OSBP2: variants seen among roughly 807,000 people sequenced by gnomAD.
OSBP2 encodes the protein oxysterol binding protein 2, also known as oxysterol-binding protein 2.
OSBP2 carries 66 observed loss-of-function variants against 96.0 expected under a neutral mutation model. The observed-to-expected ratio is 0.69, with a 90% CI of 0.56 to 0.84. The LOEUF is 0.84. Ranked by LOEUF, OSBP2 falls within the 40% of genes least tolerant of loss-of-function variation. The probability of loss-of-function intolerance (pLI) is 0.00; values close to 1 mark genes in which losing one functional copy is unlikely to be tolerated. For missense variants in OSBP2, 1,038 were observed against 1,222.7 expected (o/e 0.85, Z 2.25); for synonymous variants, 525 against 520.9 (o/e 1.01, Z -0.11).
At position 30,890,877 on chromosome 22, in the gene OSBP2, A is replaced by C. The variant is rs1340220438; in HGVS notation, c.1773A>C (p.Thr591=). 1.2e-6 allele frequency: 2 copies of C among 1,613,758 alleles called. No homozygotes were observed. Among genetic ancestry groups the C allele is most frequent in the Non-Finnish European group, 1.7e-6 (2 of 1,180,026 alleles). ...TCTCTGTGTCCTCCTACTCCACCAC[A>C]GTGCACCGCATCGCCAAGCCCTTCA... ...AAFSVSSYST[T]VHRIAKPFNP... is the part of the protein sequence containing the mutation. Residue 591 remains threonine (T), a synonymous_variant, in exon 8 of 14, where the codon ACA becomes ACC. Transcript: ENST00000332585. This position sits in a 1 kb window ranked among gnomAD's most constrained non-coding sequence, Gnocchi z 4.4.
chr22:30,763,305 AT>A (rs537068696), intron 2 of OSBP2, among the ~76,000 whole-genome samples: 1 of 151,942 alleles, frequency 6.6e-6, no homozygotes, highest in African/African-American at 2.4e-5. Context: ...GGGTATTTGT[AT>A]TTTTTTTCAA....
intron 2 of OSBP2, among the ~76,000 whole-genome samples, chr22:30,868,730 G>A (rs1053408154): frequency 1.3e-5 from 2 of 152,178 alleles, no homozygotes; most frequent in Non-Finnish European, 2.9e-5. Context: ...GGGGGACAGG[G>A]TATGCCGTGG....
intron 3 of OSBP2, among the ~76,000 whole-genome samples, chr22:30,882,283 G>A (rs150027354): frequency 1.4e-4 from 22 of 152,286 alleles, no homozygotes; most frequent in South Asian, 1.2e-3. Context: ...CACCAGGAAG[G>A]CTCTGGGATC....
In OSBP2 at chr22:30,730,808, A is replaced by ATATATATATATATATT. The variant is rs1491303061; in HGVS notation, c.645-10353_645-10352insTATATATATATATATT. Among the ~76,000 whole-genome samples the ATATATATATATATATT allele has an allele frequency of 2.8e-4, 11 of 39,334 alleles. 1 individual carries two copies. The highest frequency in any genetic ancestry group is 1.1e-3 in the South Asian group (1 of 928). The allele number at this position is 39,334 out of a possible 152,430, so 25.8% of individuals were successfully genotyped here. On this transcript the variant is annotated intron_variant, in intron 1 of 13. Coordinates refer to ENST00000332585, the MANE Select transcript of OSBP2 (RefSeq NM_030758.4). ...TATATATATATATATATATATATAT[A>ATATATATATATATATT]ATTTTTTTTTTTTTTCCCATGGACA...
intron 2 of OSBP2, among the ~76,000 whole-genome samples, chr22:30,798,414 A>G (rs893115393): frequency 6.6e-6 from 1 of 152,086 alleles, no homozygotes; most frequent in Non-Finnish European, 1.5e-5. Flanking sequence ...GGAGGCATAA[A>G]TTTTTTAATT....
At position 30,871,072 on chromosome 22, in the gene OSBP2, G is replaced by C. The variant is rs529136957; in HGVS notation, c.1107+390G>C. On this transcript the variant is annotated intron_variant, in intron 3 of 13. Transcript: ENST00000332585. This position sits in a 1 kb window ranked among gnomAD's most constrained non-coding sequence, Gnocchi z 4.7. ...TCGGTGGCTGCTACTCCTCCTCCCT[G>C]GGTTCACTCCCCAGATGCAGTGGGA... Among the ~76,000 whole-genome samples, 133 of 152,228 alleles carry C rather than the reference G, an allele frequency of 8.7e-4. No homozygotes were observed. Among genetic ancestry groups the C allele is most frequent in the African/African-American group, 3.0e-3 (126 of 41,532 alleles).
chr22:30,831,814 A>T (rs2038528708), intron 2 of OSBP2, among the ~76,000 whole-genome samples: 1 of 152,104 alleles, frequency 6.6e-6, no homozygotes, highest in Admixed American at 6.5e-5. Context: ...GTCTGATGGG[A>T]GGCCACTTAT....
chr22:30,730,810 T>TA (rs1491091512), intron 1 of OSBP2, among the ~76,000 whole-genome samples: 801 of 54,672 alleles, frequency 0.015, 111 homozygotes, highest in African/African-American at 0.07. Flanking sequence ...ATATATATAA[T>TA]TTTTTTTTTT....
intron 2 of OSBP2, among the ~76,000 whole-genome samples, chr22:30,833,525 G>A (rs977517367): frequency 6.6e-6 from 1 of 152,118 alleles, no homozygotes; most frequent in Non-Finnish European, 1.5e-5. Flanking sequence ...CTGGTTTGAG[G>A]TCCCTCCCTT....
At position 30,782,086 on chromosome 22, in the gene OSBP2, C is replaced by A. The variant is rs1209063726; in HGVS notation, c.853+40717C>A. Reference sequence around the variant, plus strand: ...TCTTGAACCCAGGAGGTGGAGGTTGCAGTGAGCCGAGATTACGCCACTGCA... The same window carrying A: ...TCTTGAACCCAGGAGGTGGAGGTTGAAGTGAGCCGAGATTACGCCACTGCA... On this transcript the variant is annotated intron_variant, in intron 2 of 13. Coordinates refer to ENST00000332585, the MANE Select transcript of OSBP2 (RefSeq NM_030758.4). Among the ~76,000 whole-genome samples the A allele has an allele frequency of 2.0e-5, 3 of 152,272 alleles. No homozygotes were observed. In the East Asian group the frequency reaches 5.8e-4, roughly 29 times the overall value.
intron 2 of OSBP2, among the ~76,000 whole-genome samples, chr22:30,862,276 G>A (rs532971962): frequency 2.3e-4 from 35 of 152,352 alleles, no homozygotes; most frequent in Middle Eastern, 3.4e-3. Context: ...GCAGCAGCAG[G>A]GCAGGCTGGG....
intron 1 of OSBP2, among the ~76,000 whole-genome samples, chr22:30,727,118 C>G (rs1305381881): frequency 6.6e-6 from 1 of 152,176 alleles, no homozygotes; most frequent in Non-Finnish European, 1.5e-5. Flanking sequence ...GAGGTACCAT[C>G]TCTACTTTTC....
chr22:30,769,971 T>A (rs1050310231), intron 2 of OSBP2, among the ~76,000 whole-genome samples: 1 of 152,200 alleles, frequency 6.6e-6, no homozygotes, highest in African/African-American at 2.4e-5. Context: ...TCCCCCATAC[T>A]GTTCTCATGG....
At chr22:30,796,217 T>A (rs2090758978) in intron 2 of OSBP2, among the ~76,000 whole-genome samples, 1 of 152,160 alleles carries the variant, frequency 6.6e-6, no homozygotes. Context: ...GGATATAGCT[T>A]CTTGGTGACT....
At chr22:30,697,647 G>A (rs552181444) in intron 1 of OSBP2, among the ~76,000 whole-genome samples, 1 of 152,344 alleles carries the variant, frequency 6.6e-6, no homozygotes, top group African/African-American at 2.4e-5. Context: ...TGCTGATAAT[G>A]TTGTGAAGAT....
intron 2 of OSBP2, among the ~76,000 whole-genome samples, chr22:30,829,654 T>C (rs1294596823): frequency 2.6e-5 from 4 of 152,214 alleles, no homozygotes; most frequent in Non-Finnish European, 5.9e-5. Flanking sequence ...GTTGTAATAG[T>C]TTAAAATTGT....
intron 2 of OSBP2, among the ~76,000 whole-genome samples, chr22:30,811,433 C>T (rs1037130949): frequency 6.6e-6 from 1 of 151,476 alleles, no homozygotes; most frequent in African/African-American, 2.4e-5. Context: ...ACAACCTTTG[C>T]CTCCCAGGTT....
intron 1 of OSBP2, among the ~76,000 whole-genome samples, chr22:30,718,775 A>G (rs2089501092): frequency 6.6e-6 from 1 of 151,808 alleles, no homozygotes; most frequent in Admixed American, 6.6e-5. Context: ...GTACTAACAG[A>G]TTTGTTGCAG....
At chr22:30,767,857 C>T (rs187639300) in intron 2 of OSBP2, among the ~76,000 whole-genome samples, 2 of 152,238 alleles carry the variant, frequency 1.3e-5, no homozygotes, top group South Asian at 2.1e-4. Context: ...GGCCTCATCA[C>T]GGGCCCTGCA....
Sources: gnomAD v4.1 joint callset for allele counts (sites outside exome capture counted in the v4.1 genomes callset) on GRCh38, gnomAD v4.1.1 for gene constraint, Gnocchi (gnomAD v3.1) non-coding constraint, MANE v1.5 for transcripts, NCBI Gene and HGNC (gene_info 2026-07-23, HGNC 2026-07-21) for gene names.